FOXP1: variants seen among roughly 807,000 people sequenced by gnomAD.
The protein encoded by FOXP1 is forkhead box P1, also known as forkhead box protein P1.
Under a neutral mutation model 98.2 loss-of-function variants are expected in FOXP1, and 15 were observed. That is an observed-to-expected ratio of 0.15 (90% CI 0.10 to 0.24). The LOEUF (loss-of-function observed/expected upper bound fraction) is 0.24. Ranked by LOEUF, FOXP1 falls within the 10% of genes least tolerant of loss-of-function variation. The pLI, the probability that FOXP1 is intolerant of heterozygous loss-of-function variation, is 1.00. For missense variants in FOXP1, 633 were observed against 848.5 expected (o/e 0.75, Z 3.15); for synonymous variants, 371 against 314.5 (o/e 1.18, Z -1.90).
At chr3:71,315,918 C>T (rs768396842) in intron 4 of FOXP1, among the ~76,000 whole-genome samples, 14 of 152,240 alleles carry the variant, frequency 9.2e-5, no homozygotes, top group Non-Finnish European at 2.1e-4. Context: ...CAGGTATCTT[C>T]TATTTGCCTC....
At chr3:71,377,892 G>A (rs2079840864) in intron 3 of FOXP1, among the ~76,000 whole-genome samples, 1 of 152,124 alleles carries the variant, frequency 6.6e-6, no homozygotes, top group African/African-American at 2.4e-5. Flanking sequence ...AATTTCCACA[G>A]TTTTTGTCTA....
chr3:71,258,308 T>C (rs2068806216), intron 5 of FOXP1, among the ~76,000 whole-genome samples: 1 of 151,936 alleles, frequency 6.6e-6, no homozygotes, highest in South Asian at 2.1e-4. Context: ...GAGTAGGATG[T>C]TAATAGGTAG....
chr3:71,198,060 G>A (rs756180750), intron 6 of FOXP1, 142 bp downstream of exon 6: 1 of 1,614,214 alleles, frequency 6.2e-7, no homozygotes, highest in South Asian at 1.1e-5. Flanking sequence ...GATGGTTTAT[G>A]AGATGCCACT....
chr3:71,039,822 C>T (rs945978419), intron 11 of FOXP1, among the ~76,000 whole-genome samples: 2 of 151,274 alleles, frequency 1.3e-5, no homozygotes, highest in African/African-American at 4.9e-5. Flanking sequence ...GGCTTCCAGA[C>T]ATACATATCT....
At chr3:71,136,852 A>G (rs1397549304) in intron 6 of FOXP1, among the ~76,000 whole-genome samples, 1 of 152,110 alleles carries the variant, frequency 6.6e-6, no homozygotes, top group Non-Finnish European at 1.5e-5. Flanking sequence ...AAAAAAGTAT[A>G]TATGTACATG....
chr3:71,201,923 A>T (rs1180669867), intron 5 of FOXP1, among the ~76,000 whole-genome samples: 1 of 152,194 alleles, frequency 6.6e-6, no homozygotes, highest in Non-Finnish European at 1.5e-5. Context: ...TGAGGCATAA[A>T]TATTTAGCCA....
intron 2 of FOXP1, among the ~76,000 whole-genome samples, chr3:71,541,340 A>G (rs1342616280): frequency 6.6e-6 from 1 of 152,232 alleles, no homozygotes; most frequent in African/African-American, 2.4e-5. Context: ...AAAGAAGGGT[A>G]TGGGAGTTGG....
intron 7 of FOXP1, among the ~76,000 whole-genome samples, chr3:71,104,986 C>T (rs2057303219): frequency 6.6e-6 from 1 of 152,240 alleles, no homozygotes; most frequent in South Asian, 2.1e-4. Context: ...CCCCAGTCTA[C>T]ACAGTTGTAG....
intron 7 of FOXP1, among the ~76,000 whole-genome samples, chr3:71,078,965 G>C (rs1005901703): frequency 2.0e-5 from 3 of 152,114 alleles, no homozygotes; most frequent in Non-Finnish European, 2.9e-5. Context: ...TGGATGCTAT[G>C]GAACTCCTGC....
chr3:70,959,189 TG>T lies in FOXP1; in HGVS notation c.*57del. ...ACAATTTCACTGCTAACTTTTGACG[TG>T]TTTTTTTTTTTTTCCTTTTTCCAAT... On this transcript the variant is annotated 3_prime_UTR_variant, in exon 21 of 21. Transcript: ENST00000649528. The T allele has an allele frequency of 6.1e-6, 9 of 1,464,072 alleles. No homozygotes were observed. Among genetic ancestry groups the T allele is most frequent in the South Asian group, 3.5e-5 (3 of 86,356 alleles). The allele number at this position is 1,464,072 out of a possible 1,614,324, so 90.7% of individuals were successfully genotyped here.
chr3:71,579,877 TA>T lies in FOXP1; in HGVS notation c.-298+1671del, dbSNP rs933430015. On this transcript the variant is annotated intron_variant, in intron 2 of 20. Transcript: ENST00000649528. ...ATTCTCCTCATAAAGAAGGATACATTAAAAAAAATAACTTGTTTCGCGACTC... is the reference window on the plus strand; with the variant it reads ...ATTCTCCTCATAAAGAAGGATACATTAAAAAAATAACTTGTTTCGCGACTC... 3.9e-5 allele frequency among the ~76,000 whole-genome samples: 6 copies of T among 151,932 alleles called. No homozygotes were observed. In the East Asian group the frequency reaches 1.2e-3, roughly 29 times the overall value.
chr3:71,135,130 G>A (rs1026966171), intron 6 of FOXP1, among the ~76,000 whole-genome samples: 8 of 151,502 alleles, frequency 5.3e-5, no homozygotes, highest in Non-Finnish European at 1.2e-4. Context: ...GCGGTGATGC[G>A]TGCCTGTTGT....
intron 5 of FOXP1, among the ~76,000 whole-genome samples, chr3:71,269,749 A>G (rs942825401): frequency 6.6e-6 from 1 of 152,208 alleles, no homozygotes; most frequent in Non-Finnish European, 1.5e-5. Flanking sequence ...ATAATTTGAT[A>G]TTTTGCTATT....
chr3:71,026,126 A>G (rs1175543072), intron 11 of FOXP1, among the ~76,000 whole-genome samples: 1 of 152,222 alleles, frequency 6.6e-6, no homozygotes, highest in East Asian at 1.9e-4. Flanking sequence ...GGAGCAAGAA[A>G]GCATACTTTG....
intron 7 of FOXP1, among the ~76,000 whole-genome samples, chr3:71,101,575 G>A (rs989638714): frequency 2.6e-5 from 4 of 151,742 alleles, no homozygotes; most frequent in Non-Finnish European, 4.4e-5. Flanking sequence ...TTAGAAGGAT[G>A]GAGACATGGC....
intron 2 of FOXP1, among the ~76,000 whole-genome samples, chr3:71,544,477 T>C (rs192108088): frequency 2.2e-3 from 336 of 151,600 alleles, no homozygotes; most frequent in African/African-American, 7.6e-3. Flanking sequence ...TGAACAAAGT[T>C]TGATCAAATT....
At chr3:71,272,324 C>A (rs2070443233) in intron 5 of FOXP1, among the ~76,000 whole-genome samples, 1 of 152,166 alleles carries the variant, frequency 6.6e-6, no homozygotes, top group Non-Finnish European at 1.5e-5. Flanking sequence ...CAGCAGTGTC[C>A]TCGGCATCCC....
rs746415577 is a variant in FOXP1 at position 70,959,196 on chromosome 3, T to G, written c.*51A>C. ...CACTGCTAACTTTTGACGTGTTTTT[T>G]TTTTTTTCCTTTTTCCAATCTTCAT... is the stretch of plus-strand genomic sequence containing the variant. On this transcript the variant is annotated 3_prime_UTR_variant, in exon 21 of 21. Transcript: ENST00000649528. The G allele has an allele frequency of 1.2e-6, 2 of 1,602,980 alleles. No homozygotes were observed. The highest frequency in any genetic ancestry group is 1.7e-6 in the Non-Finnish European group (2 of 1,172,042).
At chr3:71,248,633 C>T (rs572110596) in intron 5 of FOXP1, among the ~76,000 whole-genome samples, 10 of 151,774 alleles carry the variant, frequency 6.6e-5, no homozygotes, top group Admixed American at 5.3e-4. Flanking sequence ...CCCAGCTACT[C>T]GGGTGGCTGA....
Sources: gnomAD v4.1 joint callset for allele counts (sites outside exome capture counted in the v4.1 genomes callset) on GRCh38, gnomAD v4.1.1 for gene constraint, MANE v1.5 for transcripts, NCBI Gene and HGNC (gene_info 2026-07-23, HGNC 2026-07-21) for gene names.